NUMB: variants seen among roughly 807,000 people sequenced by gnomAD.
NUMB encodes NUMB endocytic adaptor protein.
NUMB carries 29 observed loss-of-function variants against 59.7 expected under a neutral mutation model. The ratio of observed to expected loss-of-function variants is 0.49; its 90% CI spans 0.36 to 0.66. NUMB has a LOEUF of 0.66. Among genes scored for constraint, NUMB ranks in the 30% least tolerant of loss-of-function variants. NUMB has a pLI of 0.00. For missense variants in NUMB, 723 were observed against 822.0 expected (o/e 0.88, Z 1.47); for synonymous variants, 288 against 288.2 (o/e 1.00, Z 0.01).
intron 4 of NUMB, among the ~76,000 whole-genome samples, chr14:73,334,194 G>A (rs1892159731): frequency 6.6e-6 from 1 of 152,150 alleles, no homozygotes; most frequent in African/African-American, 2.4e-5. Context: ...TAGGATTACA[G>A]GTGTGAGCCA....
chr14:73,410,316 G>A lies in NUMB; in HGVS notation c.-232-248C>T, dbSNP rs145270270. On this transcript the variant is annotated intron_variant, in intron 1 of 12. Transcript: ENST00000555238. ...AGCCTTACATTCTTAAGAGCTATAC[G>A]ATCTCAGTTAAGTCACAAATTCTCC... Among the ~76,000 whole-genome samples, 764 of 152,240 alleles carry A rather than the reference G, an allele frequency of 5.0e-3. 8 individuals carry two copies. The highest frequency in any genetic ancestry group is 0.017 in the African/African-American group (713 of 41,544).
In NUMB at chr14:73,385,496, CTTTTT is replaced by C. The variant is rs35526624; in HGVS notation, c.-100-18520_-100-18516del. Among the ~76,000 whole-genome samples the C allele has an allele frequency of 6.1e-5, 4 of 65,346 alleles. No individual in the cohort carries two copies. The East Asian group carries it at 1.5e-3, about 24-fold the overall frequency. 42.9% of individuals were successfully genotyped at this position (65,346 alleles called of 152,430 possible). A position where few individuals can be genotyped will look rare whatever the true frequency, so the allele number is the denominator to read the frequency against. On this transcript the variant is annotated intron_variant, in intron 2 of 12. Coordinates refer to ENST00000555238, the MANE Select transcript of NUMB (RefSeq NM_001005743.2). ...AAAATAGCTACATATGGCTAGTGGC[CTTTTT>C]TTTTTTTTTTTTTTTTTTGAGATTG...
intron 11 of NUMB, among the ~76,000 whole-genome samples, chr14:73,279,640 TAAAGTC>T (rs1372640617): frequency 6.6e-6 from 1 of 152,236 alleles, no homozygotes; most frequent in Non-Finnish European, 1.5e-5. Flanking sequence ...GTTGTATAGA[TAAAGTC>T]AAATAACTGT....
chr14:73,352,471 CACACACATATATATATATATATATATAT>C lies in NUMB; in HGVS notation c.126+3127_126+3154del, dbSNP rs1566756027. Among the ~76,000 whole-genome samples, 197 of 21,024 alleles carry C rather than the reference CACACACATATATATATATATATATATAT, an allele frequency of 9.4e-3. 20 individuals are homozygous for C. Among genetic ancestry groups the C allele is most frequent in the African/African-American group, 0.032 (190 of 5,916 alleles). The allele number at this position is 21,024 out of a possible 152,430, so 13.8% of individuals were successfully genotyped here. ...ACACACACACACATACACACACACA[CACACACATATATATATATATATATATAT>C]ATATATATATATATATATATATATA... On this transcript the variant is annotated intron_variant, in intron 4 of 12. Coordinates refer to ENST00000555238, the MANE Select transcript of NUMB (RefSeq NM_001005743.2).
intron 1 of NUMB, among the ~76,000 whole-genome samples, chr14:73,456,883 T>G (rs889712511): frequency 1.3e-5 from 2 of 152,166 alleles, no homozygotes; most frequent in Non-Finnish European, 2.9e-5. Context: ...GCAATCTACA[T>G]TTTACCAAGC....
chr14:73,325,644 C>T (rs1460135819), intron 4 of NUMB, among the ~76,000 whole-genome samples: 1 of 152,160 alleles, frequency 6.6e-6, no homozygotes. Flanking sequence ...GTTGACAAGC[C>T]TGAACTTCTA....
At chr14:73,376,524 A>T (rs954700251) in intron 2 of NUMB, among the ~76,000 whole-genome samples, 18 of 131,980 alleles carry the variant, frequency 1.4e-4, no homozygotes, top group African/African-American at 5.6e-4. Flanking sequence ...TCTAAAGTTT[A>T]TATGGAAAAA....
At chr14:73,457,952 G>C (rs1027095412) in intron 1 of NUMB, 3 of 152,240 alleles carry the variant, frequency 2.0e-5, no homozygotes, top group Non-Finnish European at 2.9e-5. Context: ...GGCCACCCTC[G>C]GCCTTCCTAC....
intron 2 of NUMB, among the ~76,000 whole-genome samples, chr14:73,394,566 ACT>A (rs935008405): frequency 6.6e-6 from 1 of 152,002 alleles, no homozygotes. Flanking sequence ...AAGTCACCAC[ACT>A]CTGCTCTCCT....
At chr14:73,278,721 CTTT>C (rs35813203) in intron 12 of NUMB, among the ~76,000 whole-genome samples, 5 of 58,040 alleles carry the variant, frequency 8.6e-5, no homozygotes, top group African/African-American at 2.4e-4. Flanking sequence ...GCCCTGGAAT[CTTT>C]TTTTTTTTTT....
At chr14:73,396,295 T>C (rs1486609320) in intron 2 of NUMB, among the ~76,000 whole-genome samples, 1 of 150,986 alleles carries the variant, frequency 6.6e-6, no homozygotes, top group Non-Finnish European at 1.5e-5. Context: ...ATCTATCTAA[T>C]CTATCTATTT....
chr14:73,422,287 C>CT (rs1897383470), intron 1 of NUMB, among the ~76,000 whole-genome samples: 1 of 152,160 alleles, frequency 6.6e-6, no homozygotes, highest in African/African-American at 2.4e-5. Context: ...TCATCCTCCT[C>CT]TAATCATTGT....
chr14:73,402,284 T>C (rs998671754), intron 2 of NUMB, among the ~76,000 whole-genome samples: 3 of 152,180 alleles, frequency 2.0e-5, no homozygotes, highest in Admixed American at 6.5e-5. Flanking sequence ...TGATCACAAA[T>C]ACATTTCTAG....
chr14:73,311,704 G>C (rs182020855), intron 6 of NUMB, among the ~76,000 whole-genome samples: 2 of 152,230 alleles, frequency 1.3e-5, no homozygotes, highest in East Asian at 3.9e-4. Context: ...ATTTATCCTG[G>C]ATCATCAAAT....
chr14:73,394,511 T>G (rs954244611), intron 2 of NUMB, among the ~76,000 whole-genome samples: 2 of 152,044 alleles, frequency 1.3e-5, no homozygotes, highest in Non-Finnish European at 2.9e-5. Flanking sequence ...TGGGCCCCAG[T>G]GATCCTCTGG....
chr14:73,435,430 C>T (rs961164453), intron 1 of NUMB, among the ~76,000 whole-genome samples: 2 of 151,720 alleles, frequency 1.3e-5, no homozygotes, highest in Non-Finnish European at 1.5e-5. Context: ...CCCGCCACCA[C>T]GCCCAGCTAA....
intron 1 of NUMB, among the ~76,000 whole-genome samples, chr14:73,450,225 G>A (rs1883829105): frequency 1.3e-5 from 2 of 152,216 alleles, no homozygotes; most frequent in African/African-American, 4.8e-5. Context: ...GTGGAGGATA[G>A]CATAAGCTCC....
At chr14:73,323,302 C>A in intron 4 of NUMB, 98 bp from the exon 5 acceptor site, 1 of 750,926 alleles carries the variant, frequency 1.3e-6, no homozygotes, top group Non-Finnish European at 2.1e-6. Context: ...TTGAACATTC[C>A]AAATCTGAAA....
chr14:73,431,050 CA>C (rs1897805264), intron 1 of NUMB, among the ~76,000 whole-genome samples: 1 of 152,116 alleles, frequency 6.6e-6, no homozygotes, highest in Non-Finnish European at 1.5e-5. Context: ...CCTCTGCCTC[CA>C]GGCTCAAGCA....
Sources: allele counts gnomAD v4.1 joint callset (sites outside exome capture counted in the v4.1 genomes callset), GRCh38; gene constraint gnomAD v4.1.1; transcripts MANE v1.5; gene names NCBI Gene and HGNC (gene_info 2026-07-23, HGNC 2026-07-21).